Variants in DLGAP1 observed in about 807,000 individuals in gnomAD.
DLGAP1 encodes DLG associated protein 1.
Under a neutral mutation model 90.8 loss-of-function variants are expected in DLGAP1, and 11 were observed. The observed-to-expected ratio is 0.12, with a 90% CI of 0.08 to 0.20. DLGAP1 has a LOEUF of 0.20. Among genes scored for constraint, DLGAP1 ranks in the 10% least tolerant of loss-of-function variants. The probability of loss-of-function intolerance (pLI) is 1.00; values close to 1 mark genes in which losing one functional copy is unlikely to be tolerated. For missense variants in DLGAP1, 1,050 were observed against 1,333.8 expected (o/e 0.79, Z 3.31); for synonymous variants, 558 against 540.7 (o/e 1.03, Z -0.44).
At chr18:4,290,980 T>C (rs1282127868) in intron 1 of DLGAP1, among the ~76,000 whole-genome samples, 2 of 152,102 alleles carry the variant, frequency 1.3e-5, no homozygotes, top group Non-Finnish European at 2.9e-5. Flanking sequence ...TGAAATGCAG[T>C]TGAATATTAT....
At position 3,742,447 on chromosome 18, in the gene DLGAP1, T is replaced by C. The variant is rs532636740; in HGVS notation, c.1238A>G (p.Glu413Gly). 1 of 1,614,204 alleles carries C rather than the reference T, an allele frequency of 6.2e-7. No homozygotes were observed. The highest frequency in any genetic ancestry group is 1.3e-5 in the African/African-American group (1 of 75,056). ...GTCCAGGCTCCGGTTGATGGAGACT[T>C]CACTCACTGCCCTCAGGTAACTATG... ...RSHSYLRAVS[E>G]VSINRSLDSL... is the part of the protein sequence containing the mutation. Residue 413 changes from glutamate to glycine, a missense_variant, in exon 6 of 13, where the codon GAA becomes GGA. By Grantham distance (98) the Glu-to-Gly change is moderately conservative (BLOSUM62 -2). This residue lies in a region of DLGAP1 where 565 missense variants were observed against 879.7 expected (regional missense o/e 0.64). Transcript: ENST00000315677.
rs748701251 is a variant in DLGAP1 at position 3,729,300 on chromosome 18, C to T, written c.1426G>A (p.Val476Met). 11 of 1,613,996 alleles carry T rather than the reference C, an allele frequency of 6.8e-6. No individual in the cohort carries two copies. The African/African-American group carries it at 1.3e-4, about 20-fold the overall frequency. Residue 476 changes from valine to methionine, a missense_variant, in exon 7 of 13, where the codon GTG becomes ATG. Val to Met is a conservative substitution (Grantham distance 21, BLOSUM62 1). This residue lies in a region of DLGAP1 where 565 missense variants were observed against 879.7 expected (regional missense o/e 0.64). Coordinates refer to ENST00000315677, the MANE Select transcript of DLGAP1 (RefSeq NM_004746.4). This position sits in a 1 kb window ranked among gnomAD's most constrained non-coding sequence, Gnocchi z 6.2. Reference protein sequence around the residue: ...SVFSELESQAVEALDLPMPGC... With the variant: ...SVFSELESQAMEALDLPMPGC... The stretch of plus-strand genomic sequence containing the variant: ...GGCATGGGCAGGTCCAGCGCTTCCA[C>T]GGCCTGCGACTCCAGCTCGCTGAAC...
chr18:4,132,228 C>T (rs2076328039), intron 2 of DLGAP1, among the ~76,000 whole-genome samples: 1 of 152,098 alleles, frequency 6.6e-6, no homozygotes, highest in Non-Finnish European at 1.5e-5. Context: ...ATGATTCAAC[C>T]ATACTAAGCC....
intron 1 of DLGAP1, among the ~76,000 whole-genome samples, chr18:4,193,922 G>T (rs6506194): frequency 0.81 from 122,751 of 152,154 alleles, 49,732 homozygotes; most frequent in East Asian, 0.95. Flanking sequence ...CAGAATAACA[G>T]AGATGAAGAA....
chr18:4,123,821 G>A (rs999989504), intron 2 of DLGAP1, among the ~76,000 whole-genome samples: 1 of 152,224 alleles, frequency 6.6e-6, no homozygotes, highest in Non-Finnish European at 1.5e-5. Context: ...TGGTAACAAT[G>A]TGTGGGTTGG....
intron 5 of DLGAP1, among the ~76,000 whole-genome samples, chr18:3,797,409 C>T (rs1266418134): frequency 6.6e-6 from 1 of 152,092 alleles, no homozygotes; most frequent in African/African-American, 2.4e-5. Context: ...GCCCTATCTG[C>T]TAGCCAGGAA....
At chr18:4,049,347 A>T (rs536123160) in intron 2 of DLGAP1, among the ~76,000 whole-genome samples, 1 of 152,010 alleles carries the variant, frequency 6.6e-6, no homozygotes, top group Non-Finnish European at 1.5e-5. Flanking sequence ...CCTCCTGCCA[A>T]CTTAGCCCTG....
rs539023352 is a variant in DLGAP1, at chr18:4,198,818, A to G, written c.-266-47531T>C. 5.3e-5 allele frequency among the ~76,000 whole-genome samples: 8 copies of G among 152,338 alleles called. No individual in the cohort carries two copies. In the East Asian group the frequency reaches 1.5e-3, roughly 29 times the overall value. ...TGCAGTTTTTGGAGAATATATTTAA[A>G]ATTAATTAAGGTAGAGTCACTATAA... On this transcript the variant is annotated intron_variant, in intron 1 of 12. Coordinates refer to ENST00000315677, the MANE Select transcript of DLGAP1 (RefSeq NM_004746.4).
chr18:3,764,233 C>T (rs1306365589), intron 5 of DLGAP1, among the ~76,000 whole-genome samples: 1 of 152,180 alleles, frequency 6.6e-6, no homozygotes, highest in East Asian at 1.9e-4. Flanking sequence ...AAAGCTGGTT[C>T]TAATTTCTGT....
chr18:3,568,750 G>A (rs540641801), intron 8 of DLGAP1, among the ~76,000 whole-genome samples: 5 of 151,050 alleles, frequency 3.3e-5, no homozygotes, highest in Admixed American at 2.0e-4. Flanking sequence ...GCAGTGGCAC[G>A]ATCTCGGCTC....
chr18:3,652,691 A>G (rs1171193666), intron 7 of DLGAP1, among the ~76,000 whole-genome samples: 2 of 152,200 alleles, frequency 1.3e-5, no homozygotes, highest in Non-Finnish European at 2.9e-5. Flanking sequence ...CTATATTTAG[A>G]AATGTGGAAC....
At chr18:4,040,570 T>C (rs1312775093) in intron 2 of DLGAP1, among the ~76,000 whole-genome samples, 1 of 152,210 alleles carries the variant, frequency 6.6e-6, no homozygotes, top group African/African-American at 2.4e-5. Context: ...AAGTGATTAG[T>C]AGTTTCTTTG....
intron 7 of DLGAP1, among the ~76,000 whole-genome samples, chr18:3,644,214 C>T (rs1221856609): frequency 2.6e-5 from 4 of 152,192 alleles, no homozygotes; most frequent in South Asian, 4.1e-4. Context: ...TCCTGCAAAA[C>T]GAACATCACA....
intron 1 of DLGAP1, among the ~76,000 whole-genome samples, chr18:4,253,061 G>GCGGTGTTA (rs1487408705): frequency 1.3e-5 from 2 of 152,224 alleles, no homozygotes; most frequent in Non-Finnish European, 2.9e-5. Context: ...GCTGCAGTAT[G>GCGGTGTTA]CGGTGTTACG....
In DLGAP1 at chr18:4,037,298, T is replaced by A. The variant is rs2074904426; in HGVS notation, c.-158-32097A>T. On this transcript the variant is annotated intron_variant, in intron 2 of 12. Coordinates refer to ENST00000315677, the MANE Select transcript of DLGAP1 (RefSeq NM_004746.4). ...TTAATATGGATAGATGGATATGGAG[T>A]CTATACTAAGAAAAATGGCCAGTTT... Among the ~76,000 whole-genome samples, 4 of 151,974 alleles carry A rather than the reference T, an allele frequency of 2.6e-5. No homozygotes were observed. The South Asian group carries it at 6.2e-4, about 24-fold the overall frequency.
chr18:3,842,130 T>A (rs1386950233), intron 4 of DLGAP1, among the ~76,000 whole-genome samples: 1 of 93,540 alleles, frequency 1.1e-5, no homozygotes, highest in Non-Finnish European at 2.1e-5. Flanking sequence ...GGGTGAGGGG[T>A]GGAGGGGGTT....
intron 1 of DLGAP1, among the ~76,000 whole-genome samples, chr18:4,353,685 T>C (rs2144009812): frequency 6.6e-6 from 1 of 151,124 alleles, no homozygotes; most frequent in Non-Finnish European, 1.5e-5. Flanking sequence ...TATTTAAATA[T>C]ATATGATATA....
intron 1 of DLGAP1, among the ~76,000 whole-genome samples, chr18:4,339,062 T>C (rs2081133758): frequency 6.6e-6 from 1 of 152,140 alleles, no homozygotes; most frequent in African/African-American, 2.4e-5. Flanking sequence ...ACGCGGAAGG[T>C]TAGTTAAGAA....
At position 4,203,505 on chromosome 18, in the gene DLGAP1, T is replaced by C. The variant is rs375303945; in HGVS notation, c.-266-52218A>G. 2.2e-4 allele frequency among the ~76,000 whole-genome samples: 33 copies of C among 152,300 alleles called. 3 individuals are homozygous for C. The highest frequency in any genetic ancestry group is 3.9e-4 in the Admixed American group (6 of 15,290). On this transcript the variant is annotated intron_variant, in intron 1 of 12. Coordinates refer to ENST00000315677, the MANE Select transcript of DLGAP1 (RefSeq NM_004746.4). ...TTTAAAAACACAATTTTGTTTGCCA[T>C]GAGCTTTTATTTGGGCTTCTACTTT...
Sources: gnomAD v4.1 joint callset for allele counts (sites outside exome capture counted in the v4.1 genomes callset) on GRCh38, gnomAD v4.1.1 for gene constraint, gnomAD v4.1.1 regional missense constraint, Gnocchi (gnomAD v3.1) non-coding constraint, MANE v1.5 for transcripts, NCBI Gene and HGNC (gene_info 2026-07-23, HGNC 2026-07-21) for gene names.